The following IFNAR2 variants were observed in gnomAD, a reference collection of about 807,000 sequenced individuals.
The protein encoded by IFNAR2 is interferon alpha and beta receptor subunit 2, also known as interferon alpha/beta receptor 2.
Under a neutral mutation model 49.4 loss-of-function variants are expected in IFNAR2, and 30 were observed. The ratio of observed to expected loss-of-function variants is 0.61; its 90% CI spans 0.45 to 0.82. The LOEUF (loss-of-function observed/expected upper bound fraction) is 0.82, where lower values mean the gene tolerates loss of function less well. Ranked by LOEUF, IFNAR2 falls within the 40% of genes least tolerant of loss-of-function variation. The pLI, the probability that IFNAR2 is intolerant of heterozygous loss-of-function variation, is 0.00. For missense variants in IFNAR2, 600 were observed against 622.7 expected (o/e 0.96, Z 0.39); for synonymous variants, 224 against 234.5 (o/e 0.96, Z 0.41).
At chr21:33,242,750 CTCGTGT>C (rs1334191632) in intron 2 of IFNAR2, among the ~76,000 whole-genome samples, 392 of 12,640 alleles carry the variant, frequency 0.031, 102 homozygotes, top group African/African-American at 0.2. Context: ...AAAAAAAAAT[CTCGTGT>C]GCGTGTGTGT....
chr21:33,236,903 G>A (rs930814092), intron 1 of IFNAR2: 6 of 984,678 alleles, frequency 6.1e-6, no homozygotes, highest in Non-Finnish European at 6.0e-6. Flanking sequence ...TGATCTATTT[G>A]TAGTCAGCAA....
intron 1 of IFNAR2, among the ~76,000 whole-genome samples, chr21:33,240,918 T>C (rs1332440362): frequency 6.6e-6 from 1 of 152,162 alleles, no homozygotes; most frequent in Non-Finnish European, 1.5e-5. Context: ...GAGGCCATTA[T>C]CTTAAGAGAA....
intron 4 of IFNAR2, among the ~76,000 whole-genome samples, chr21:33,245,819 C>T (rs939071395): frequency 5.6e-4 from 85 of 152,284 alleles, no homozygotes; most frequent in African/African-American, 1.9e-3. Context: ...AGTTTCTCTT[C>T]GGTGCCTGCT....
At chr21:33,257,729 C>CGT in intron 7 of IFNAR2, among the ~76,000 whole-genome samples, 1 of 152,294 alleles carries the variant, frequency 6.6e-6, no homozygotes, top group South Asian at 2.1e-4. Context: ...GTCCAGCTGG[C>CGT]CTCACCTTTC....
intron 1 of IFNAR2, among the ~76,000 whole-genome samples, chr21:33,235,390 A>C (rs1237157975): frequency 6.6e-6 from 1 of 152,212 alleles, no homozygotes; most frequent in Non-Finnish European, 1.5e-5. Context: ...TCAGCAGGAC[A>C]ATAACTCTAG....
rs763861722 is a variant in IFNAR2, at chr21:33,262,939, G to A, written c.987G>A (p.Ala329=). 67 of 1,614,060 alleles carry A rather than the reference G, an allele frequency of 4.2e-5. No individual in the cohort carries two copies. The East Asian group carries it at 5.6e-4, about 13-fold the overall frequency. Residue 329 remains alanine (A), a synonymous_variant, in exon 9 of 9, where the codon GCG becomes GCA. Transcript: ENST00000342136. ...DDESDSDTEA[A]PRTSGGGYTM... ...AAAGTGATAGCGATACTGAGGCAGC[G>A]CCCAGGACAAGTGGCGGTGGCTATA...
At position 33,263,460 on chromosome 21, in the gene IFNAR2, A is replaced by C. The variant is rs1988782859; in HGVS notation, c.1508A>C (p.Glu503Ala). 6.2e-7 allele frequency: 1 copy of C among 1,613,300 alleles called. No individual in the cohort carries two copies. Among genetic ancestry groups the C allele is most frequent in the Non-Finnish European group, 8.5e-7 (1 of 1,179,626 alleles). Reference sequence around the variant, plus strand: ...CCATCTGATCAAAGTGACACTTCTGAGTCAGATGTTGACCTTGGGGATGGT... The same window carrying C: ...CCATCTGATCAAAGTGACACTTCTGCGTCAGATGTTGACCTTGGGGATGGT... ...DAPSDQSDTS[E>A]SDVDLGDGYI... is the part of the protein sequence containing the mutation. The change falls in exon 9 of 9, where the codon GAG becomes GCG. Residue 503 changes from glutamate to alanine, a missense_variant. Physicochemically the swap from Glu to Ala is moderately radical, Grantham distance 107. Coordinates refer to ENST00000342136, the MANE Select transcript of IFNAR2 (RefSeq NM_001289125.3).
At chr21:33,248,570 G>A in intron 5 of IFNAR2, 139 bp from the exon 6 acceptor site, 1 of 619,220 alleles carries the variant, frequency 1.6e-6, no homozygotes, top group Non-Finnish European at 2.6e-6. Context: ...TAGTGGAATA[G>A]CATTAGCAAT....
chr21:33,262,642 C>A (rs1330831061), intron 8 of IFNAR2, 151 bp from the exon 9 acceptor site: 25 of 1,110,892 alleles, frequency 2.3e-5, no homozygotes, highest in Admixed American at 3.6e-5. Context: ...AACTCCTGAG[C>A]TCAAACAGTC....
chr21:33,242,469 G>C (rs746634766), intron 2 of IFNAR2, among the ~76,000 whole-genome samples: 1 of 151,930 alleles, frequency 6.6e-6, no homozygotes, highest in Non-Finnish European at 1.5e-5. Context: ...GCGGTGGCTC[G>C]CGCCTGTAAT....
intron 6 of IFNAR2, among the ~76,000 whole-genome samples, chr21:33,250,725 G>A (rs970092348): frequency 1.3e-5 from 2 of 152,132 alleles, no homozygotes; most frequent in Non-Finnish European, 2.9e-5. Context: ...TTTTAGTAGA[G>A]ACAGGGTTTC....
rs558931925 is a variant in IFNAR2 at position 33,239,729 on chromosome 21, T to C, written c.-83-2111T>C. ...TGTTACAGCCCTCAATGTTGTGATC[T>C]GCAGGTTCTGTACTCTCCCTCCTGG... is the stretch of plus-strand genomic sequence containing the variant. On this transcript the variant is annotated intron_variant, in intron 1 of 8. Coordinates refer to ENST00000342136, the MANE Select transcript of IFNAR2 (RefSeq NM_001289125.3). 1.9e-4 allele frequency among the ~76,000 whole-genome samples: 29 copies of C among 151,488 alleles called. 1 individual carries two copies. In the East Asian group the frequency reaches 5.4e-3, roughly 28 times the overall value.
At chr21:33,242,728 C>CAAA (rs1182507309) in intron 2 of IFNAR2, among the ~76,000 whole-genome samples, 20,694 of 48,526 alleles carry the variant, frequency 0.43, 5,392 homozygotes, top group Middle Eastern at 0.51. Context: ...GACTCTGTCT[C>CAAA]AAAAAAAAAA....
At chr21:33,235,578 A>T (rs1986387051) in intron 1 of IFNAR2, among the ~76,000 whole-genome samples, 1 of 152,166 alleles carries the variant, frequency 6.6e-6, no homozygotes, top group Non-Finnish European at 1.5e-5. Context: ...TTTCTTCCAC[A>T]GTCTCTCTCT....
Position 33,230,254 on chromosome 21 carries a change from TG to T in IFNAR2, c.-84+40del, listed in dbSNP as rs1985939738. 9.1e-7 allele frequency: 1 copy of T among 1,093,544 alleles called. No homozygotes were observed. The highest frequency in any genetic ancestry group is 1.1e-6 in the Non-Finnish European group (1 of 890,996). The allele number at this position is 1,093,544 out of a possible 1,614,324, so 67.7% of individuals were successfully genotyped here. A position where few individuals can be genotyped will look rare whatever the true frequency, so the allele number is the denominator to read the frequency against. On this transcript the variant is annotated intron_variant, in intron 1 of 8. Coordinates refer to ENST00000342136, the MANE Select transcript of IFNAR2 (RefSeq NM_001289125.3). This position sits in a 1 kb window ranked among gnomAD's most constrained non-coding sequence, Gnocchi z 5.5. ...GGCGGGGTCGCGGGAGCGGAGCGCG[TG>T]GCCAGCTGACTGGAGGGAAAACGCC...
chr21:33,229,971 G>A lies in IFNAR2; in HGVS notation c.-329G>A. 2.0e-6 allele frequency: 2 copies of A among 984,188 alleles called. No homozygotes were observed. The highest frequency in any genetic ancestry group is 3.5e-5 in the African/African-American group (2 of 57,042). 61.0% of individuals were successfully genotyped at this position (984,188 alleles called of 1,614,324 possible). A position where few individuals can be genotyped will look rare whatever the true frequency, so the allele number is the denominator to read the frequency against. On this transcript the variant is annotated 5_prime_UTR_variant, in exon 1 of 9. Transcript: ENST00000342136. Reference sequence around the variant, plus strand: ...CCTCGTAGGCCGGGGCTCGGCGCGCGCACCCGCACTAAAGACGCTTCTTCC... The same window carrying A: ...CCTCGTAGGCCGGGGCTCGGCGCGCACACCCGCACTAAAGACGCTTCTTCC...
chr21:33,260,475 C>G, intron 7 of IFNAR2, 122 bp from the exon 8 acceptor site: 1 of 806,688 alleles, frequency 1.2e-6, no homozygotes. Flanking sequence ...CAATATAAAA[C>G]TGTTTTTTCA....
intron 1 of IFNAR2, among the ~76,000 whole-genome samples, chr21:33,233,720 A>C (rs1441539042): frequency 6.6e-6 from 1 of 152,214 alleles, no homozygotes; most frequent in Non-Finnish European, 1.5e-5. Flanking sequence ...AAAAACAAAA[A>C]CTTGCTGAGT....
intron 8 of IFNAR2, among the ~76,000 whole-genome samples, chr21:33,261,774 G>T (rs1240724235): frequency 2.6e-5 from 4 of 152,160 alleles, no homozygotes; most frequent in East Asian, 1.9e-4. Context: ...TACTCAGGAG[G>T]ATGTGGTGAG....
Sources: allele counts gnomAD v4.1 joint callset (sites outside exome capture counted in the v4.1 genomes callset), GRCh38; gene constraint gnomAD v4.1.1; non-coding constraint Gnocchi (gnomAD v3.1); transcripts MANE v1.5; gene names NCBI Gene and HGNC (gene_info 2026-07-23, HGNC 2026-07-21).